Variants in CNTN5 observed in about 807,000 individuals in gnomAD.
CNTN5 encodes the protein contactin 5, also known as contactin-5.
Under a neutral mutation model 129.1 loss-of-function variants are expected in CNTN5, and 77 were observed. The observed-to-expected ratio is 0.60, with a 90% CI of 0.50 to 0.72. CNTN5 has a LOEUF of 0.72. CNTN5 is among the 30% of genes least tolerant of loss of function. The probability of loss-of-function intolerance (pLI) is 0.00; values close to 1 mark genes in which losing one functional copy is unlikely to be tolerated. For missense variants in CNTN5, 1,478 were observed against 1,328.8 expected (o/e 1.11, Z -1.75); for synonymous variants, 509 against 465.6 (o/e 1.09, Z -1.20).
chr11:99,304,946 G>A (rs1346140315), intron 1 of CNTN5, among the ~76,000 whole-genome samples: 1 of 152,104 alleles, frequency 6.6e-6, no homozygotes, highest in Non-Finnish European at 1.5e-5. Context: ...CTCAGCAAAG[G>A]TTACTAATAG....
chr11:100,105,879 TC>T (rs2138086135), intron 13 of CNTN5, among the ~76,000 whole-genome samples: 1 of 152,280 alleles, frequency 6.6e-6, no homozygotes, highest in East Asian at 1.9e-4. Flanking sequence ...TGCAAGTTCT[TC>T]AAAGGGAAAC....
At chr11:99,024,951 T>C (rs1228378356) in intron 1 of CNTN5, among the ~76,000 whole-genome samples, 1 of 152,020 alleles carries the variant, frequency 6.6e-6, no homozygotes, top group Non-Finnish European at 1.5e-5. Flanking sequence ...TCAGAAAATG[T>C]TTCATTAGAT....
chr11:99,338,595 C>T (rs996613726), intron 2 of CNTN5, among the ~76,000 whole-genome samples: 1 of 151,964 alleles, frequency 6.6e-6, no homozygotes, highest in Non-Finnish European at 1.5e-5. Flanking sequence ...CTCCCTGATT[C>T]TGTAAAATAA....
chr11:99,838,296 A>G (rs750872812), intron 4 of CNTN5, among the ~76,000 whole-genome samples: 2 of 152,176 alleles, frequency 1.3e-5, no homozygotes, highest in African/African-American at 4.8e-5. Flanking sequence ...CTGAAAGCTT[A>G]TGGCCCTATG....
rs946141262 is a variant in CNTN5 at position 99,668,379 on chromosome 11, C to T, written c.55+112110C>T. 4.6e-5 allele frequency among the ~76,000 whole-genome samples: 7 copies of T among 152,214 alleles called. No homozygotes were observed. In the South Asian group the frequency reaches 1.0e-3, roughly 23 times the overall value. On this transcript the variant is annotated intron_variant, in intron 3 of 24. Transcript: ENST00000524871. Reference sequence around the variant, plus strand: ...AAAGAGGGACTCAGTGGATGTCAGTCCTGGAGTGGTGATTCTCGTATCCTT... The same window carrying T: ...AAAGAGGGACTCAGTGGATGTCAGTTCTGGAGTGGTGATTCTCGTATCCTT...
intron 1 of CNTN5, among the ~76,000 whole-genome samples, chr11:99,161,499 G>A (rs1860608771): frequency 6.6e-6 from 1 of 151,890 alleles, no homozygotes; most frequent in African/African-American, 2.4e-5. Flanking sequence ...TCTCGGATGG[G>A]GATGTCTTTG....
At chr11:99,944,431 C>A (rs533542846) in intron 7 of CNTN5, among the ~76,000 whole-genome samples, 6 of 152,206 alleles carry the variant, frequency 3.9e-5, no homozygotes, top group African/African-American at 1.4e-4. Context: ...AAGCTGGAAG[C>A]ATTCTCCTTG....
In CNTN5 at chr11:100,193,072, C is replaced by G. The variant is rs140329124; in HGVS notation, c.1709-416C>G. On this transcript the variant is annotated intron_variant, in intron 14 of 24. Transcript: ENST00000524871. The stretch of plus-strand genomic sequence containing the variant: ...CCTGTAGCCTCCTCTCATCTTTAAG[C>G]AAGTGAACCCTCTCTGAATTCTTCC... Among the ~76,000 whole-genome samples, 1,422 of 151,972 alleles carry G rather than the reference C, an allele frequency of 9.4e-3. 24 individuals are homozygous for G. Among genetic ancestry groups the G allele is most frequent in the African/African-American group, 0.032 (1,332 of 41,518 alleles).
At chr11:100,318,012 T>A (rs996261211) in intron 21 of CNTN5, among the ~76,000 whole-genome samples, 2 of 152,180 alleles carry the variant, frequency 1.3e-5, no homozygotes, top group East Asian at 1.9e-4. Context: ...GAGGCCCAGA[T>A]GGGCGGATCA....
chr11:100,053,116 A>G (rs1018454889), intron 9 of CNTN5, among the ~76,000 whole-genome samples: 6 of 151,694 alleles, frequency 4.0e-5, no homozygotes, highest in Admixed American at 6.6e-5. Context: ...TACATACCTA[A>G]ATGTAAATCT....
intron 1 of CNTN5, among the ~76,000 whole-genome samples, chr11:99,134,235 T>A (rs558215746): frequency 6.6e-6 from 1 of 152,000 alleles, no homozygotes; most frequent in South Asian, 2.1e-4. Context: ...GAGAACTACA[T>A]ACACTGGAAC....
At chr11:99,791,867 A>G (rs1945755425) in intron 3 of CNTN5, among the ~76,000 whole-genome samples, 1 of 152,112 alleles carries the variant, frequency 6.6e-6, no homozygotes, top group East Asian at 1.9e-4. Context: ...TTTTGTGGTC[A>G]TAGTAAATGG....
intron 3 of CNTN5, among the ~76,000 whole-genome samples, chr11:99,779,378 C>T (rs542497380): frequency 2.6e-5 from 4 of 151,988 alleles, no homozygotes; most frequent in African/African-American, 7.2e-5. Flanking sequence ...ATTTGACTCT[C>T]TTGTGAATAC....
chr11:99,839,318 G>A (rs963237264), intron 4 of CNTN5, among the ~76,000 whole-genome samples: 8 of 152,108 alleles, frequency 5.3e-5, no homozygotes, highest in African/African-American at 1.9e-4. Context: ...TAAAATAATC[G>A]GGTGAAGTCT....
At chr11:99,434,510 T>G (rs978495314) in intron 2 of CNTN5, among the ~76,000 whole-genome samples, 1 of 152,118 alleles carries the variant, frequency 6.6e-6, no homozygotes, top group Admixed American at 6.6e-5. Context: ...AGCTTTTAAT[T>G]TTCTTTGCTA....
At chr11:100,119,097 G>A (rs187557551) in intron 13 of CNTN5, among the ~76,000 whole-genome samples, 10 of 151,494 alleles carry the variant, frequency 6.6e-5, no homozygotes, top group Non-Finnish European at 1.2e-4. Context: ...ACTCACCAAG[G>A]AACACTTACA....
At chr11:100,306,105 TTTGA>T (rs1302664630) in intron 20 of CNTN5, among the ~76,000 whole-genome samples, 9 of 151,554 alleles carry the variant, frequency 5.9e-5, no homozygotes, top group African/African-American at 1.9e-4. Flanking sequence ...TCAGTTCTTG[TTTGA>T]TTGATTCACT....
intron 2 of CNTN5, among the ~76,000 whole-genome samples, chr11:99,435,611 T>G (rs1202030365): frequency 6.6e-6 from 1 of 152,220 alleles, no homozygotes; most frequent in Non-Finnish European, 1.5e-5. Context: ...AAATATTTGG[T>G]GAGCATTACT....
chr11:100,334,716 C>T (rs750676339), intron 21 of CNTN5, among the ~76,000 whole-genome samples: 17 of 152,010 alleles, frequency 1.1e-4, no homozygotes, highest in East Asian at 1.9e-4. Flanking sequence ...CACTCATATA[C>T]GAACTAAGCT....
Sources: allele counts gnomAD v4.1 joint callset (sites outside exome capture counted in the v4.1 genomes callset), GRCh38; gene constraint gnomAD v4.1.1; transcripts MANE v1.5; gene names NCBI Gene and HGNC (gene_info 2026-07-23, HGNC 2026-07-21).